CSMD1: variants seen among roughly 807,000 people sequenced by gnomAD.
The protein encoded by CSMD1 is CUB and sushi domain-containing protein 1.
CSMD1 carries 213 observed loss-of-function variants against 417.5 expected under a neutral mutation model. The ratio of observed to expected loss-of-function variants is 0.51; its 90% CI spans 0.46 to 0.57. CSMD1 has a LOEUF of 0.57. Ranked by LOEUF, CSMD1 falls within the 20% of genes least tolerant of loss-of-function variation. The probability of loss-of-function intolerance (pLI) is 0.00; values close to 1 mark genes in which losing one functional copy is unlikely to be tolerated. For synonymous variants in CSMD1, 2,862 were observed against 1,736.8 expected, an observed-to-expected ratio of 1.65 and a Z score of -16.11; for missense variants, 6,923 against 4,529.7, an observed-to-expected ratio of 1.53 and a Z score of -15.17.
intron 3 of CSMD1, among the ~76,000 whole-genome samples, chr8:4,353,960 A>G (rs1801248721): frequency 6.6e-6 from 1 of 152,138 alleles, no homozygotes; most frequent in South Asian, 2.1e-4. Context: ...TCAGCCCTCT[A>G]TGATGATATA....
chr8:3,204,823 G>A (rs573131452), intron 31 of CSMD1, among the ~76,000 whole-genome samples: 8 of 152,314 alleles, frequency 5.3e-5, no homozygotes, highest in Admixed American at 3.3e-4. Flanking sequence ...TTAAGATGAT[G>A]ACAGCTACTA....
chr8:4,071,465 T>C (rs1405428877), intron 3 of CSMD1, among the ~76,000 whole-genome samples: 1 of 152,180 alleles, frequency 6.6e-6, no homozygotes, highest in Non-Finnish European at 1.5e-5. Flanking sequence ...CCTATTTTTT[T>C]CCTGATATTT....
At chr8:4,158,698 TA>T (rs1796978048) in intron 3 of CSMD1, among the ~76,000 whole-genome samples, 1 of 152,064 alleles carries the variant, frequency 6.6e-6, no homozygotes, top group South Asian at 2.1e-4. Flanking sequence ...CAGCTATTCC[TA>T]AACCACCCCA....
chr8:4,940,537 G>A (rs1807926546), intron 1 of CSMD1, among the ~76,000 whole-genome samples: 1 of 152,198 alleles, frequency 6.6e-6, no homozygotes, highest in Non-Finnish European at 1.5e-5. Flanking sequence ...AAATCAAACT[G>A]AAAATTCATC....
intron 5 of CSMD1, among the ~76,000 whole-genome samples, chr8:3,959,459 A>G (rs1316953125): frequency 6.6e-6 from 1 of 152,220 alleles, no homozygotes. Flanking sequence ...AGATCACGCC[A>G]TTGCACTCCA....
At chr8:4,143,615 C>A (rs1490558303) in intron 3 of CSMD1, among the ~76,000 whole-genome samples, 1 of 151,084 alleles carries the variant, frequency 6.6e-6, no homozygotes, top group Non-Finnish European at 1.5e-5. Context: ...CCATGGCACT[C>A]TGAGGGTACA....
At chr8:4,073,458 G>C (rs961339251) in intron 3 of CSMD1, among the ~76,000 whole-genome samples, 9 of 152,214 alleles carry the variant, frequency 5.9e-5, no homozygotes, top group East Asian at 1.9e-4. Flanking sequence ...GTCTTACTTA[G>C]ATTCTATTTT....
intron 3 of CSMD1, among the ~76,000 whole-genome samples, chr8:4,124,023 T>A (rs994357552): frequency 2.0e-5 from 3 of 152,192 alleles, no homozygotes; most frequent in African/African-American, 7.2e-5. Context: ...ATCTAACTTT[T>A]TTTTTTCTAC....
chr8:3,241,510 G>T (rs948589166), intron 26 of CSMD1, among the ~76,000 whole-genome samples: 5 of 152,266 alleles, frequency 3.3e-5, no homozygotes, highest in East Asian at 1.9e-4. Flanking sequence ...ATCTGGGAAG[G>T]AGTGAGTCAG....
At chr8:4,169,016 A>G (rs1023998017) in intron 3 of CSMD1, among the ~76,000 whole-genome samples, 4 of 151,916 alleles carry the variant, frequency 2.6e-5, no homozygotes, top group Non-Finnish European at 5.9e-5. Context: ...GCTTACTCTT[A>G]CTCTGTTCCA....
chr8:3,882,718 G>A (rs1806287351), intron 5 of CSMD1, among the ~76,000 whole-genome samples: 1 of 152,214 alleles, frequency 6.6e-6, no homozygotes, highest in Admixed American at 6.5e-5. Context: ...TTACAAATGT[G>A]CACAACAATG....
At chr8:4,054,899 G>C (rs1010440353) in intron 3 of CSMD1, among the ~76,000 whole-genome samples, 1 of 152,122 alleles carries the variant, frequency 6.6e-6, no homozygotes, top group Non-Finnish European at 1.5e-5. Context: ...ACGTCTGCCT[G>C]TGCCCTGAGC....
In CSMD1 at chr8:3,118,435, T is replaced by C. The variant is rs1176229812; in HGVS notation, c.6394A>G (p.Asn2132Asp). The C allele has an allele frequency of 1.9e-6, 3 of 1,613,608 alleles. No individual in the cohort carries two copies. Among genetic ancestry groups the C allele is most frequent in the Non-Finnish European group, 1.7e-6 (2 of 1,179,812 alleles). The part of the protein sequence containing the change: ...HPVLTCQHGI[N>D]RNWNYPFPRC... The stretch of plus-strand genomic sequence containing the variant: ...GGAAAAGGGTAGTTCCAGTTTCTGT[T>C]GATCCCATGCTGACAAGTGAGGACA... Residue 2132 changes from asparagine (N) to aspartate (D), a missense_variant, in exon 42 of 70, where the codon AAC becomes GAC. Coordinates refer to ENST00000635120, the MANE Select transcript of CSMD1 (RefSeq NM_033225.6).
In CSMD1 at chr8:3,807,711, G is replaced by A. The variant is rs186551148; in HGVS notation, c.819-53669C>T. ...TTGGCTTTTCTTCCTTGAGCTATAAGGGATCCTAATGTCTTTATTACACAG... is the reference window on the plus strand; with the variant it reads ...TTGGCTTTTCTTCCTTGAGCTATAAAGGATCCTAATGTCTTTATTACACAG... On this transcript the variant is annotated intron_variant, in intron 5 of 69. Coordinates refer to ENST00000635120, the MANE Select transcript of CSMD1 (RefSeq NM_033225.6). Among the ~76,000 whole-genome samples, 48 of 152,076 alleles carry A rather than the reference G, an allele frequency of 3.2e-4. No homozygotes were observed. In the South Asian group the frequency reaches 8.5e-3, roughly 27 times the overall value.
At chr8:4,795,869 T>G (rs997070945) in intron 1 of CSMD1, among the ~76,000 whole-genome samples, 20 of 152,132 alleles carry the variant, frequency 1.3e-4, no homozygotes, top group African/African-American at 4.8e-4. Context: ...AATGGAACCA[T>G]GAGGTGTTGT....
intron 1 of CSMD1, among the ~76,000 whole-genome samples, chr8:4,661,394 T>C (rs1024453791): frequency 1.3e-5 from 2 of 152,160 alleles, no homozygotes; most frequent in African/African-American, 4.8e-5. Flanking sequence ...TCCTCAAACG[T>C]TGTATGCTAT....
chr8:3,792,497 C>G (rs1283632890), intron 5 of CSMD1, among the ~76,000 whole-genome samples: 3 of 152,120 alleles, frequency 2.0e-5, no homozygotes, highest in Non-Finnish European at 2.9e-5. Flanking sequence ...AGCGTTTTTG[C>G]AACTCGCTGA....
At chr8:4,278,259 A>T (rs1029541596) in intron 3 of CSMD1, among the ~76,000 whole-genome samples, 1 of 152,158 alleles carries the variant, frequency 6.6e-6, no homozygotes, top group Non-Finnish European at 1.5e-5. Flanking sequence ...AATTCAGTTT[A>T]ATTTTCAATG....
intron 5 of CSMD1, among the ~76,000 whole-genome samples, chr8:3,920,188 C>T (rs1584965758): frequency 6.6e-6 from 1 of 152,048 alleles, no homozygotes; most frequent in South Asian, 2.1e-4. Context: ...TGTGTGCCAG[C>T]ATATCTGGCT....
Sources: allele counts gnomAD v4.1 joint callset (sites outside exome capture counted in the v4.1 genomes callset), GRCh38; gene constraint gnomAD v4.1.1; transcripts MANE v1.5; gene names NCBI Gene and HGNC (gene_info 2026-07-23, HGNC 2026-07-21).